NEBL: variants seen among roughly 807,000 people sequenced by gnomAD.
NEBL encodes nebulette, also known as LIM and SH3 protein 2.
NEBL carries 122 observed loss-of-function variants against 140.2 expected under a neutral mutation model. The observed-to-expected ratio is 0.87, with a 90% CI of 0.75 to 1.01. The LOEUF (loss-of-function observed/expected upper bound fraction) is 1.01. NEBL is among the 50% of genes least tolerant of loss of function. NEBL has a pLI of 0.00. For synonymous variants in NEBL, 436 were observed against 398.9 expected (o/e 1.09, Z -1.11); for missense variants, 1,365 against 1,231.3 (o/e 1.11, Z -1.62).
intron 1 of NEBL, among the ~76,000 whole-genome samples, chr10:21,280,006 A>C (rs1183089268): frequency 6.6e-6 from 1 of 152,140 alleles, no homozygotes; most frequent in African/African-American, 2.4e-5. Flanking sequence ...CAAACTCTAA[A>C]GCTTCTCTGC....
chr10:21,179,150 G>A (rs904205511), upstream of NEBL, among the ~76,000 whole-genome samples: 1 of 152,164 alleles, frequency 6.6e-6, no homozygotes, highest in African/African-American at 2.4e-5. Context: ...GGGAGGGGGA[G>A]AAACAAAAAT....
At chr10:20,860,932 T>G (rs1843634676) in intron 7 of NEBL, among the ~76,000 whole-genome samples, 1 of 152,186 alleles carries the variant, frequency 6.6e-6, no homozygotes, top group Non-Finnish European at 1.5e-5. Context: ...GTAAATATTT[T>G]GAGATGGTTT....
At chr10:20,859,473 G>C (rs558211481) in intron 8 of NEBL, among the ~76,000 whole-genome samples, 2 of 151,882 alleles carry the variant, frequency 1.3e-5, no homozygotes, top group South Asian at 4.2e-4. Context: ...TTCCACTCTT[G>C]AACAGATATA....
intron 6 of NEBL, among the ~76,000 whole-genome samples, chr10:20,869,521 G>A (rs1389462319): frequency 6.6e-6 from 1 of 152,128 alleles, no homozygotes; most frequent in Non-Finnish European, 1.5e-5. Flanking sequence ...CTAAAAGTAT[G>A]ATGACACTAA....
chr10:20,796,351 A>C (rs960074911), intron 26 of NEBL, among the ~76,000 whole-genome samples: 1 of 138,062 alleles, frequency 7.2e-6, no homozygotes, highest in Admixed American at 7.9e-5. Flanking sequence ...CAAGAGTGAA[A>C]CTCAGTCTAA....
chr10:20,916,646 A>G (rs1848569680), intron 4 of NEBL, among the ~76,000 whole-genome samples: 1 of 152,140 alleles, frequency 6.6e-6, no homozygotes, highest in African/African-American at 2.4e-5. Flanking sequence ...CTGACCTCAA[A>G]TGATCCACCC....
chr10:21,001,801 T>C (rs1336843322), intron 3 of NEBL, among the ~76,000 whole-genome samples: 1 of 152,166 alleles, frequency 6.6e-6, no homozygotes, highest in Non-Finnish European at 1.5e-5. Flanking sequence ...ATTTGTTTTG[T>C]TTTCTAATGG....
chr10:21,290,479 CA>C (rs1045995374), intron 1 of NEBL, among the ~76,000 whole-genome samples: 1 of 151,618 alleles, frequency 6.6e-6, no homozygotes, highest in Non-Finnish European at 1.5e-5. Flanking sequence ...AAACTTCTTC[CA>C]AAAAAAATAC....
chr10:20,807,054 A>C (rs963394981), intron 26 of NEBL, among the ~76,000 whole-genome samples: 2 of 152,210 alleles, frequency 1.3e-5, no homozygotes, highest in African/African-American at 4.8e-5. Context: ...GGTCAGGTAC[A>C]GTGGCTCACG....
At chr10:20,958,141 C>A (rs1372922816) in intron 4 of NEBL, among the ~76,000 whole-genome samples, 1 of 152,190 alleles carries the variant, frequency 6.6e-6, no homozygotes, top group African/African-American at 2.4e-5. Context: ...CATGAGCTAG[C>A]CCAGTAGCAG....
intron 3 of NEBL, among the ~76,000 whole-genome samples, chr10:20,982,343 C>T (rs1034448339): frequency 2.6e-5 from 4 of 151,838 alleles, no homozygotes; most frequent in Non-Finnish European, 5.9e-5. Flanking sequence ...TAAAAAGTCT[C>T]AATTTCAGCA....
chr10:20,894,892 GC>G (rs539607885), intron 2 of NEBL, among the ~76,000 whole-genome samples: 184 of 144,892 alleles, frequency 1.3e-3, no homozygotes, highest in African/African-American at 4.7e-3. Context: ...TCGTGCCACT[GC>G]CCTCCAGCCT....
chr10:20,896,923 T>C (rs1847549672), intron 2 of NEBL, 35 bp downstream of exon 2: 1 of 1,578,138 alleles, frequency 6.3e-7, no homozygotes, highest in African/African-American at 1.3e-5. Flanking sequence ...ACAGGTGCAA[T>C]GCAAAATAAG....
At chr10:21,131,825 G>T (rs1839123821) in intron 2 of NEBL, among the ~76,000 whole-genome samples, 1 of 152,098 alleles carries the variant, frequency 6.6e-6, no homozygotes, top group African/African-American at 2.4e-5. Context: ...CAAGGAGCTG[G>T]GTCCCAGTGC....
intron 17 of NEBL, among the ~76,000 whole-genome samples, chr10:20,827,008 A>G (rs886832656): frequency 6.6e-6 from 1 of 152,166 alleles, no homozygotes; most frequent in Non-Finnish European, 1.5e-5. Context: ...CATCATCAAT[A>G]TCAATGTTAA....
At chr10:21,161,996 G>A (rs1349855900) in intron 2 of NEBL, among the ~76,000 whole-genome samples, 2 of 152,214 alleles carry the variant, frequency 1.3e-5, no homozygotes, top group Non-Finnish European at 2.9e-5. Flanking sequence ...GGGGCTTTGA[G>A]CCGGATGAGA....
At chr10:20,832,990 A>G (rs1840559273) in intron 14 of NEBL, among the ~76,000 whole-genome samples, 1 of 152,226 alleles carries the variant, frequency 6.6e-6, no homozygotes, top group Non-Finnish European at 1.5e-5. Context: ...GCCAACAAAT[A>G]TGATGAAACT....
At chr10:21,072,694 G>T (rs1433188934) in intron 2 of NEBL, among the ~76,000 whole-genome samples, 1 of 152,174 alleles carries the variant, frequency 6.6e-6, no homozygotes, top group East Asian at 1.9e-4. Flanking sequence ...GACTCAGTGA[G>T]TCAAGAGAGA....
chr10:20,911,435 A>G (rs918702120), intron 4 of NEBL, among the ~76,000 whole-genome samples: 3 of 152,126 alleles, frequency 2.0e-5, no homozygotes, highest in African/African-American at 7.2e-5. Flanking sequence ...ACATTTTAAA[A>G]CTCTCTTTGT....
Sources: gnomAD v4.1 joint callset for allele counts (sites outside exome capture counted in the v4.1 genomes callset) on GRCh38, gnomAD v4.1.1 for gene constraint, MANE v1.5 for transcripts, NCBI Gene and HGNC (gene_info 2026-07-23, HGNC 2026-07-21) for gene names.